Variants in KIF13A observed in about 807,000 individuals in gnomAD.
KIF13A encodes kinesin-like protein KIF13A.
KIF13A carries 79 observed loss-of-function variants against 212.2 expected under a neutral mutation model. The observed-to-expected ratio is 0.37, with a 90% CI of 0.31 to 0.45. KIF13A has a LOEUF of 0.45. Ranked by LOEUF, KIF13A falls within the 20% of genes least tolerant of loss-of-function variation. The pLI, the probability that KIF13A is intolerant of heterozygous loss-of-function variation, is 1.00. For missense variants in KIF13A, 1,901 were observed against 2,209.0 expected (o/e 0.86, Z 2.79); for synonymous variants, 789 against 808.6 (o/e 0.98, Z 0.41).
rs532854009 is a variant in KIF13A at position 17,773,972 on chromosome 6, T to C, written c.4219-389A>G. Among the ~76,000 whole-genome samples, 1 of 152,322 alleles carries C rather than the reference T, an allele frequency of 6.6e-6. No individual in the cohort carries two copies. Among genetic ancestry groups the C allele is most frequent in the South Asian group, 2.1e-4 (1 of 4,830 alleles). On this transcript the variant is annotated intron_variant, in intron 35 of 38. Transcript: ENST00000259711. This position sits in a 1 kb window ranked among gnomAD's most constrained non-coding sequence, Gnocchi z 4.2. ...TCTCAAAGGACAACTGTTCCATTAG[T>C]AATTCTGCCTGGGTAGAAGGCACAG...
At chr6:17,913,023 G>A (rs1774206369) in intron 2 of KIF13A, among the ~76,000 whole-genome samples, 1 of 151,372 alleles carries the variant, frequency 6.6e-6, no homozygotes, top group Non-Finnish European at 1.5e-5. Context: ...CTGGGTTCAA[G>A]TGATCCTCCT....
At chr6:17,812,918 C>T (rs955137693) in intron 17 of KIF13A, among the ~76,000 whole-genome samples, 1 of 152,120 alleles carries the variant, frequency 6.6e-6, no homozygotes, top group African/African-American at 2.4e-5. Flanking sequence ...TTTGCATTTC[C>T]CTAGTCATTG....
At position 17,861,932 on chromosome 6, in the gene KIF13A, A is replaced by G. The variant is rs552239665; in HGVS notation, c.221-5810T>C. Among the ~76,000 whole-genome samples the G allele has an allele frequency of 1.2e-4, 18 of 152,252 alleles. No individual in the cohort carries two copies. In the South Asian group the frequency reaches 3.3e-3, roughly 28 times the overall value. On this transcript the variant is annotated intron_variant, in intron 4 of 38. Coordinates refer to ENST00000259711, the MANE Select transcript of KIF13A (RefSeq NM_022113.6). Reference sequence around the variant, plus strand: ...TTCCTTCATGATTTCTGCCTATGATATGTGCTATGCCTCACAAATCCTTTT... The same window carrying G: ...TTCCTTCATGATTTCTGCCTATGATGTGTGCTATGCCTCACAAATCCTTTT...
rs752675926 is a variant in KIF13A at position 17,817,088 on chromosome 6, G to A, written c.1932C>T (p.Ser644=). ...QLSPDRQPQS[S]GPDRLAYSSQ... ...TGCTGTAGGCCAGGCGGTCAGGGCCGCTACTCTGTGGCTGCCTGTCGGGGG... is the reference window on the plus strand; with the variant it reads ...TGCTGTAGGCCAGGCGGTCAGGGCCACTACTCTGTGGCTGCCTGTCGGGGG... The change falls in exon 17 of 39, where the codon AGC becomes AGT. Residue 644 remains serine (S), a synonymous_variant. Coordinates refer to ENST00000259711, the MANE Select transcript of KIF13A (RefSeq NM_022113.6). The A allele has an allele frequency of 1.1e-5, 17 of 1,613,708 alleles. No individual in the cohort carries two copies. The African/African-American group carries it at 1.2e-4, about 11-fold the overall frequency.
In KIF13A at chr6:17,828,358, C is replaced by T; in HGVS notation, c.1414G>A (p.Val472Met). 6.2e-7 allele frequency: 1 copy of T among 1,610,982 alleles called. No individual in the cohort carries two copies. The highest frequency in any genetic ancestry group is 1.7e-4 in the Middle Eastern group (1 of 6,054). Residue 472 changes from valine (V) to methionine (M), a missense_variant, in exon 14 of 39, where the codon GTG becomes ATG. Val to Met is a conservative substitution (Grantham distance 21). This residue lies in a region of KIF13A where 506 missense variants were observed against 637.4 expected (regional missense o/e 0.79). Transcript: ENST00000259711. The surrounding 1 kb of genome is among the most constrained non-coding windows in gnomAD (Gnocchi z 4.3). ...LVYYLKDHTR[V>M]GADTSQDIQL... ...ATATCTTGAGAGGTATCTGCACCCA[C>T]CCTGGTGTGATCCTAGTAAAAGATT...
At chr6:17,793,809 G>C (rs1761811552) in intron 25 of KIF13A, among the ~76,000 whole-genome samples, 1 of 151,964 alleles carries the variant, frequency 6.6e-6, no homozygotes, top group African/African-American at 2.4e-5. Flanking sequence ...AGCTACTTCA[G>C]AAGCTAAGGT....
At chr6:17,936,384 TC>T in intron 2 of KIF13A, 1 of 195,062 alleles carries the variant, frequency 5.1e-6, no homozygotes, top group Non-Finnish European at 1.2e-5. Flanking sequence ...CACCTTGGCC[TC>T]CCAAAGTGCT....
At chr6:17,909,785 TTG>T (rs1773869896) in intron 2 of KIF13A, among the ~76,000 whole-genome samples, 2 of 151,932 alleles carry the variant, frequency 1.3e-5, no homozygotes, top group Non-Finnish European at 2.9e-5. Flanking sequence ...TTCCAGCTAC[TTG>T]GGAGGCTGAG....
intron 3 of KIF13A, among the ~76,000 whole-genome samples, chr6:17,889,076 T>C (rs1041023846): frequency 2.6e-5 from 4 of 152,144 alleles, no homozygotes; most frequent in South Asian, 2.1e-4. Flanking sequence ...AAATGCTTAG[T>C]AGCAAAACAG....
At chr6:17,878,512 A>T (rs1770773928) in intron 3 of KIF13A, among the ~76,000 whole-genome samples, 1 of 149,576 alleles carries the variant, frequency 6.7e-6, no homozygotes, top group South Asian at 2.1e-4. Context: ...AACTTCTGGG[A>T]TCAAGCGATC....
chr6:17,769,658 G>C lies in KIF13A; in HGVS notation c.4581+1456C>G, dbSNP rs1182828951. ...TGGTGTTGTACCAAAATGTATCGTT[G>C]CAATAGGTTTAAATTGAGTGGCTGT... On this transcript the variant is annotated intron_variant, in intron 38 of 38. Transcript: ENST00000259711. The surrounding 1 kb of genome is among the most constrained non-coding windows in gnomAD (Gnocchi z 5.8). 1.3e-5 allele frequency among the ~76,000 whole-genome samples: 2 copies of C among 150,088 alleles called. No homozygotes were observed. The highest frequency in any genetic ancestry group is 2.9e-5 in the Non-Finnish European group (2 of 67,812).
rs1028379394 is a variant in KIF13A, at chr6:17,961,165, G to C, written c.146+25889C>G. Among the ~76,000 whole-genome samples the C allele has an allele frequency of 1.3e-5, 2 of 152,216 alleles. No individual in the cohort carries two copies. Among genetic ancestry groups the C allele is most frequent in the Non-Finnish European group, 2.9e-5 (2 of 68,040 alleles). On this transcript the variant is annotated intron_variant, in intron 2 of 38. Coordinates refer to ENST00000259711, the MANE Select transcript of KIF13A (RefSeq NM_022113.6). This position sits in a 1 kb window ranked among gnomAD's most constrained non-coding sequence, Gnocchi z 4.1. ...AGGAACCAATGAATGTGAGTTTGCA[G>C]AGAGGAGGCTAAAAGAGCACTTCAA...
intron 38 of KIF13A, among the ~76,000 whole-genome samples, chr6:17,766,227 T>G (rs1037325310): frequency 2.0e-5 from 3 of 148,024 alleles, no homozygotes; most frequent in African/African-American, 7.6e-5. Context: ...AAGATTTATT[T>G]ATTTATTTAT....
rs763359101 is a variant in KIF13A, at chr6:17,926,113, T to C, written c.147-27933A>G. Among the ~76,000 whole-genome samples the C allele has an allele frequency of 3.3e-5, 5 of 152,224 alleles. No individual in the cohort carries two copies. Among genetic ancestry groups the C allele is most frequent in the Non-Finnish European group, 7.3e-5 (5 of 68,034 alleles). Reference sequence around the variant, plus strand: ...ACATATAATTAAAGTAGTCATCATGTCCACGGTCCTACTAATTCTGAAAAG... The same window carrying C: ...ACATATAATTAAAGTAGTCATCATGCCCACGGTCCTACTAATTCTGAAAAG... On this transcript the variant is annotated intron_variant, in intron 2 of 38. Transcript: ENST00000259711. This position sits in a 1 kb window ranked among gnomAD's most constrained non-coding sequence, Gnocchi z 4.3.
rs1240422812 is a variant in KIF13A at position 17,773,648 on chromosome 6, T to C, written c.4219-65A>G. On this transcript the variant is annotated intron_variant, in intron 35 of 38. Transcript: ENST00000259711. The surrounding 1 kb of genome is among the most constrained non-coding windows in gnomAD (Gnocchi z 4.2). The stretch of plus-strand genomic sequence containing the variant: ...TCCAAAATAAGAAATAAAGCCCAGG[T>C]TGGAGTTTCTTCTGTTTTTTTTTAA... 4.6e-6 allele frequency: 4 copies of C among 878,764 alleles called. No homozygotes were observed. Among genetic ancestry groups the C allele is most frequent in the East Asian group, 2.5e-5 (1 of 40,056 alleles). 54.4% of individuals were successfully genotyped at this position (878,764 alleles called of 1,614,324 possible).
chr6:17,862,375 CTAT>C (rs1284911949), intron 4 of KIF13A, among the ~76,000 whole-genome samples: 1 of 152,146 alleles, frequency 6.6e-6, no homozygotes, highest in Non-Finnish European at 1.5e-5. Context: ...TAGTTATTAT[CTAT>C]TATTATCATC....
Position 17,873,455 on chromosome 6 carries a change from A to G in KIF13A, c.160-18T>C. ...GCAAATACCTGAATGAAAGAACAAA[A>G]TATTAAACTTAAAGATTAATTAACT... On this transcript the variant is annotated intron_variant, in intron 3 of 38. Coordinates refer to ENST00000259711, the MANE Select transcript of KIF13A (RefSeq NM_022113.6). 1 of 1,520,560 alleles carries G rather than the reference A, an allele frequency of 6.6e-7. No homozygotes were observed. The highest frequency in any genetic ancestry group is 9.0e-7 in the Non-Finnish European group (1 of 1,114,936). The allele number at this position is 1,520,560 out of a possible 1,614,324, so 94.2% of individuals were successfully genotyped here. A position where few individuals can be genotyped will look rare whatever the true frequency, so the allele number is the denominator to read the frequency against.
Position 17,785,384 on chromosome 6 carries a change from G to A in KIF13A, c.3488+131C>T, listed in dbSNP as rs1760962321. On this transcript the variant is annotated intron_variant, in intron 28 of 38. Transcript: ENST00000259711. This position sits in a 1 kb window ranked among gnomAD's most constrained non-coding sequence, Gnocchi z 5.8. ...AAAGGGATGGAAGCATTAGAGATGAGTGGACATTCCCTAAGTAGTTCAGCT... is the reference window on the plus strand; with the variant it reads ...AAAGGGATGGAAGCATTAGAGATGAATGGACATTCCCTAAGTAGTTCAGCT... 7.8e-6 allele frequency: 8 copies of A among 1,025,584 alleles called. No homozygotes were observed. In the East Asian group the frequency reaches 2.4e-4, roughly 31 times the overall value. 63.5% of individuals were successfully genotyped at this position (1,025,584 alleles called of 1,614,324 possible).
At position 17,774,571 on chromosome 6, in the gene KIF13A, C is replaced by T. The variant is rs113847445; in HGVS notation, c.4218+444G>A. Among the ~76,000 whole-genome samples, 894 of 152,220 alleles carry T rather than the reference C, an allele frequency of 5.9e-3. 8 individuals carry two copies. The highest frequency in any genetic ancestry group is 0.02 in the African/African-American group (841 of 41,526). ...GATCGATCACCTGAGGTCAGAAGTT[C>T]GAGACCATCCTGGCCAACATGGCGA... On this transcript the variant is annotated intron_variant, in intron 35 of 38. Coordinates refer to ENST00000259711, the MANE Select transcript of KIF13A (RefSeq NM_022113.6).
Sources: gnomAD v4.1 joint callset for allele counts (sites outside exome capture counted in the v4.1 genomes callset) on GRCh38, gnomAD v4.1.1 for gene constraint, gnomAD v4.1.1 regional missense constraint, Gnocchi (gnomAD v3.1) non-coding constraint, MANE v1.5 for transcripts, NCBI Gene and HGNC (gene_info 2026-07-23, HGNC 2026-07-21) for gene names.